Variants in LRRTM4 observed in about 807,000 individuals in gnomAD.
LRRTM4 encodes leucine-rich repeat transmembrane neuronal protein 4.
In LRRTM4, 25 loss-of-function variants were observed where a neutral mutation model predicts 47.6. That is an observed-to-expected ratio of 0.53 (90% CI 0.38 to 0.73). LRRTM4 has a LOEUF of 0.73. Ranked by LOEUF, LRRTM4 falls within the 30% of genes least tolerant of loss-of-function variation. The pLI is 0.00. For missense variants in LRRTM4, 638 were observed against 713.4 expected (o/e 0.89, Z 1.20); for synonymous variants, 311 against 269.5 (o/e 1.15, Z -1.51).
At chr2:77,492,274 T>A (rs1198925095) in intron 3 of LRRTM4, among the ~76,000 whole-genome samples, 1 of 152,176 alleles carries the variant, frequency 6.6e-6, no homozygotes. Flanking sequence ...TTTGTTTCTC[T>A]TTTAGAGATA....
rs200829257 is a variant in LRRTM4, at chr2:76,836,556, ATTG to A, written c.1552-87643_1552-87641del. Among the ~76,000 whole-genome samples, 530 of 151,944 alleles carry A rather than the reference ATTG, an allele frequency of 3.5e-3. 7 individuals carry two copies. The highest frequency in any genetic ancestry group is 0.012 in the African/African-American group (498 of 41,448). Reference sequence around the variant, plus strand: ...TAGTTGTAAAGGCAGTAATAATAATATTGATGATAATTAACAGTTAATGAACAG... The same window carrying A: ...TAGTTGTAAAGGCAGTAATAATAATAATGATAATTAACAGTTAATGAACAG... On this transcript the variant is annotated intron_variant, in intron 3 of 3. Coordinates refer to ENST00000409884, the MANE Select transcript of LRRTM4 (RefSeq NM_001134745.3).
intron 3 of LRRTM4, among the ~76,000 whole-genome samples, chr2:77,351,243 C>T (rs1671758902): frequency 1.3e-5 from 2 of 150,760 alleles, no homozygotes; most frequent in Middle Eastern, 3.2e-3. Flanking sequence ...AGGAAACACA[C>T]ATTGATATAG....
At chr2:77,446,271 G>A (rs1159631413) in intron 3 of LRRTM4, among the ~76,000 whole-genome samples, 1 of 151,890 alleles carries the variant, frequency 6.6e-6, no homozygotes, top group African/African-American at 2.4e-5. Flanking sequence ...GTATTTTTGT[G>A]TATTGTAGGA....
At chr2:77,276,630 G>C (rs1676363746) in intron 3 of LRRTM4, among the ~76,000 whole-genome samples, 1 of 140,422 alleles carries the variant, frequency 7.1e-6, no homozygotes, top group South Asian at 2.2e-4. Context: ...ACCAAATATA[G>C]CCTGATGCAA....
chr2:77,434,725 A>G (rs1291251751), intron 3 of LRRTM4, among the ~76,000 whole-genome samples: 1 of 152,192 alleles, frequency 6.6e-6, no homozygotes, highest in East Asian at 1.9e-4. Flanking sequence ...ATTGTTTTAC[A>G]GCATTCCCAT....
rs1176224780 is a variant in LRRTM4, at chr2:77,019,756, G to C, written c.1552-270840C>G. On this transcript the variant is annotated intron_variant, in intron 3 of 3. Transcript: ENST00000409884. Reference sequence around the variant, plus strand: ...TTATATTAATGATACTTATTATGTAGCAATAGATAACTGAACCAGAAAATT... The same window carrying C: ...TTATATTAATGATACTTATTATGTACCAATAGATAACTGAACCAGAAAATT... Among the ~76,000 whole-genome samples the C allele has an allele frequency of 3.3e-5, 5 of 151,982 alleles. No individual in the cohort carries two copies. In the East Asian group the frequency reaches 9.6e-4, roughly 29 times the overall value.
In LRRTM4 at chr2:77,167,869, G is replaced by A. The variant is rs537943260; in HGVS notation, c.1551+350449C>T. ...TAATGTAAATGACAAGTTAATGGGTGCACCAGACCAACATAGCACATGTAT... is the reference window on the plus strand; with the variant it reads ...TAATGTAAATGACAAGTTAATGGGTACACCAGACCAACATAGCACATGTAT... On this transcript the variant is annotated intron_variant, in intron 3 of 3. Coordinates refer to ENST00000409884, the MANE Select transcript of LRRTM4 (RefSeq NM_001134745.3). Among the ~76,000 whole-genome samples the A allele has an allele frequency of 1.2e-3, 178 of 152,146 alleles. 1 individual carries two copies. The highest frequency in any genetic ancestry group is 2.0e-3 in the Non-Finnish European group (134 of 68,000).
chr2:76,771,555 G>A (rs1284405427), intron 3 of LRRTM4, among the ~76,000 whole-genome samples: 1 of 151,500 alleles, frequency 6.6e-6, no homozygotes, highest in Non-Finnish European at 1.5e-5. Context: ...GCTGAGCACT[G>A]CCTTTGCTTC....
chr2:76,841,910 G>C (rs918190911), intron 3 of LRRTM4, among the ~76,000 whole-genome samples: 8 of 152,086 alleles, frequency 5.3e-5, no homozygotes, highest in African/African-American at 1.9e-4. Context: ...GAAGCTATGG[G>C]ACAATGGGCT....
intron 3 of LRRTM4, among the ~76,000 whole-genome samples, chr2:77,307,077 TG>T (rs1429231884): frequency 2.0e-5 from 3 of 151,428 alleles, no homozygotes; most frequent in African/African-American, 2.4e-5. Flanking sequence ...TTTTTTGTAT[TG>T]TTTAGTAGAG....
At chr2:77,457,567 C>T (rs1297599100) in intron 3 of LRRTM4, among the ~76,000 whole-genome samples, 6 of 151,672 alleles carry the variant, frequency 4.0e-5, no homozygotes, top group Non-Finnish European at 7.4e-5. Flanking sequence ...TACTTGAAAA[C>T]GTTCCAATAG....
At chr2:76,752,366 C>A (rs566780259) in intron 3 of LRRTM4, among the ~76,000 whole-genome samples, 1 of 152,298 alleles carries the variant, frequency 6.6e-6, no homozygotes, top group East Asian at 1.9e-4. Context: ...CCTGCATTAA[C>A]TGCAAAGCTT....
At chr2:77,189,094 GCAAA>G (rs1049952244) in intron 3 of LRRTM4, among the ~76,000 whole-genome samples, 4 of 150,414 alleles carry the variant, frequency 2.7e-5, no homozygotes, top group Admixed American at 6.6e-5. Flanking sequence ...TCTCTCTATA[GCAAA>G]CAAATTTCAA....
intron 3 of LRRTM4, among the ~76,000 whole-genome samples, chr2:76,947,219 T>A (rs1573353899): frequency 6.6e-6 from 1 of 151,866 alleles, no homozygotes; most frequent in African/African-American, 2.4e-5. Flanking sequence ...AATGTTTACT[T>A]AAATGCACTT....
intron 3 of LRRTM4, among the ~76,000 whole-genome samples, chr2:77,192,359 A>T (rs1673692473): frequency 1.3e-5 from 2 of 152,034 alleles, no homozygotes. Context: ...ATTTTACCAT[A>T]ATGAGCAATT....
At chr2:77,507,549 C>T (rs1449044161) in intron 3 of LRRTM4, among the ~76,000 whole-genome samples, 7 of 151,744 alleles carry the variant, frequency 4.6e-5, no homozygotes, top group African/African-American at 1.5e-4. Context: ...TTATGATTTG[C>T]GAAAGTTAAA....
intron 3 of LRRTM4, among the ~76,000 whole-genome samples, chr2:77,234,129 G>C (rs1000228928): frequency 2.0e-5 from 3 of 152,146 alleles, no homozygotes; most frequent in Non-Finnish European, 4.4e-5. Flanking sequence ...GTATGTGCCA[G>C]ATATACAGTA....
chr2:77,271,833 A>G (rs1267798262), intron 3 of LRRTM4, among the ~76,000 whole-genome samples: 1 of 152,180 alleles, frequency 6.6e-6, no homozygotes, highest in Non-Finnish European at 1.5e-5. Flanking sequence ...TTTCTTGTTC[A>G]TTCTTATTTC....
At chr2:76,860,485 C>G (rs950660543) in intron 3 of LRRTM4, among the ~76,000 whole-genome samples, 1 of 152,082 alleles carries the variant, frequency 6.6e-6, no homozygotes, top group African/African-American at 2.4e-5. Flanking sequence ...GCTGTGCACA[C>G]TATGATATTC....
Sources: allele counts gnomAD v4.1 joint callset (sites outside exome capture counted in the v4.1 genomes callset), GRCh38; gene constraint gnomAD v4.1.1; transcripts MANE v1.5; gene names NCBI Gene and HGNC (gene_info 2026-07-23, HGNC 2026-07-21).